TULP3: variants seen among roughly 807,000 people sequenced by gnomAD.
TULP3 encodes the protein TUB like protein 3, also known as tubby-related protein 3.
Under a neutral mutation model 50.7 loss-of-function variants are expected in TULP3, and 38 were observed. The observed-to-expected ratio is 0.75, with a 90% CI of 0.58 to 0.98. TULP3 has a LOEUF of 0.98. Ranked by LOEUF, TULP3 falls within the 50% of genes least tolerant of loss-of-function variation. The pLI is 0.00. For missense variants in TULP3, 550 were observed against 568.0 expected, an observed-to-expected ratio of 0.97 and a Z score of 0.32; for synonymous variants, 183 against 196.6, an observed-to-expected ratio of 0.93 and a Z score of 0.58.
At chr12:2,913,594 C>T (rs138228197) in intron 2 of TULP3, among the ~76,000 whole-genome samples, 32 of 151,176 alleles carry the variant, frequency 2.1e-4, no homozygotes, top group African/African-American at 6.6e-4. Context: ...TTACACTTTC[C>T]GTGGTTTATT....
At chr12:2,922,201 TA>T in intron 3 of TULP3, 60 bp from the exon 4 acceptor site, 1 of 1,567,358 alleles carries the variant, frequency 6.4e-7, no homozygotes, top group Non-Finnish European at 8.6e-7. Flanking sequence ...ATGCCAAATC[TA>T]CCCAACTAGT....
intron 1 of TULP3, among the ~76,000 whole-genome samples, chr12:2,893,330 T>TTTTTG (rs1299230660): frequency 1.3e-5 from 2 of 149,846 alleles, no homozygotes; most frequent in African/African-American, 4.9e-5. Flanking sequence ...TTAATGTGTT[T>TTTTTG]TTTTTTTTTT....
rs2098199293 is a variant in TULP3, at chr12:2,933,364, G to T, written c.697-54G>T. 8.2e-6 allele frequency: 9 copies of T among 1,092,228 alleles called. No individual in the cohort carries two copies. The South Asian group carries it at 1.1e-4, about 14-fold the overall frequency. The allele number at this position is 1,092,228 out of a possible 1,614,324, so 67.7% of individuals were successfully genotyped here. On this transcript the variant is annotated intron_variant, in intron 6 of 10. Coordinates refer to ENST00000448120, the MANE Select transcript of TULP3 (RefSeq NM_003324.5). ...AATATGTAGGACAACCATGACCAGA[G>T]GTGGGGCAGGTTCTCTGGACTTCAT...
intron 3 of TULP3, among the ~76,000 whole-genome samples, chr12:2,922,024 A>T (rs767719692): frequency 9.9e-5 from 15 of 152,182 alleles, no homozygotes; most frequent in Non-Finnish European, 2.1e-4. Context: ...TCGAGGCTAC[A>T]GTGAGCTGTG....
At chr12:2,921,862 C>G (rs1373824582) in intron 3 of TULP3, among the ~76,000 whole-genome samples, 1 of 152,070 alleles carries the variant, frequency 6.6e-6, no homozygotes, top group East Asian at 1.9e-4. Flanking sequence ...AAAGGCAGAT[C>G]ACTTAAGGCC....
intron 1 of TULP3, among the ~76,000 whole-genome samples, chr12:2,898,432 G>C (rs564123871): frequency 1.3e-5 from 2 of 151,980 alleles, no homozygotes; most frequent in African/African-American, 2.4e-5. Flanking sequence ...CCCTAGCAGC[G>C]GGGACTATAG....
intron 2 of TULP3, among the ~76,000 whole-genome samples, chr12:2,912,438 A>G (rs2098186210): frequency 6.6e-6 from 1 of 152,208 alleles, no homozygotes; most frequent in Admixed American, 6.5e-5. Flanking sequence ...CACACCCATC[A>G]GTGACGGTGG....
Position 2,914,224 on chromosome 12 carries a change from A to G in TULP3, c.93+4644A>G, listed in dbSNP as rs187432789. Among the ~76,000 whole-genome samples the G allele has an allele frequency of 8.8e-4, 132 of 149,670 alleles. 1 individual carries two copies. In the East Asian group the frequency reaches 0.02, roughly 22 times the overall value. On this transcript the variant is annotated intron_variant, in intron 2 of 10. Transcript: ENST00000448120. Reference sequence around the variant, plus strand: ...ACTGCAACCTCTGCCTCCCAGGTTCAAGCAGTTCTCCTGCCTCAGCCTCCT... The same window carrying G: ...ACTGCAACCTCTGCCTCCCAGGTTCGAGCAGTTCTCCTGCCTCAGCCTCCT...
At chr12:2,898,098 A>G (rs1026356140) in intron 1 of TULP3, among the ~76,000 whole-genome samples, 1 of 149,670 alleles carries the variant, frequency 6.7e-6, no homozygotes, top group Non-Finnish European at 1.5e-5. Context: ...AAAAAAAAAA[A>G]GATATAATAG....
At chr12:2,912,089 G>T in intron 2 of TULP3, among the ~76,000 whole-genome samples, 1 of 152,168 alleles carries the variant, frequency 6.6e-6, no homozygotes, top group South Asian at 2.1e-4. Flanking sequence ...TTCAAATGGT[G>T]TATAACAGCA....
chr12:2,920,992 TCAGA>T, intron 3 of TULP3, 70 bp downstream of exon 3: 1 of 1,580,760 alleles, frequency 6.3e-7, no homozygotes. Flanking sequence ...ACGAGGATTG[TCAGA>T]CGGACCAAAG....
intron 2 of TULP3, among the ~76,000 whole-genome samples, chr12:2,916,230 G>C (rs543146015): frequency 6.6e-6 from 1 of 150,914 alleles, no homozygotes; most frequent in Non-Finnish European, 1.5e-5. Context: ...TCGAATTCCT[G>C]ACCTCAAGAG....
At chr12:2,907,661 A>T (rs12319407) in intron 1 of TULP3, among the ~76,000 whole-genome samples, 3,289 of 150,584 alleles carry the variant, frequency 0.022, 82 homozygotes, top group African/African-American at 0.056. Context: ...AAAAAAAAAA[A>T]TTTTTTATTC....
chr12:2,935,538 A>G lies in TULP3; in HGVS notation c.924+977A>G, dbSNP rs567696298. Among the ~76,000 whole-genome samples, 4 of 152,328 alleles carry G rather than the reference A, an allele frequency of 2.6e-5. No individual in the cohort carries two copies. In the East Asian group the frequency reaches 5.8e-4, roughly 22 times the overall value. On this transcript the variant is annotated intron_variant, in intron 8 of 10. Transcript: ENST00000448120. ...AGAGAAAGCAAGAAGGAATTGACCC[A>G]TCTCAGCTGGTTTTTTTATTCCAAA... is the stretch of plus-strand genomic sequence containing the variant.
intron 1 of TULP3, among the ~76,000 whole-genome samples, chr12:2,899,648 C>T (rs1398801249): frequency 6.6e-6 from 1 of 152,162 alleles, no homozygotes; most frequent in Non-Finnish European, 1.5e-5. Flanking sequence ...AATCCCAGCA[C>T]TTTGGGAGGC....
chr12:2,940,628 G>A lies in TULP3; in HGVS notation c.*1184G>A. The A allele has an allele frequency of 6.4e-7, 1 of 1,551,748 alleles. No individual in the cohort carries two copies. Among genetic ancestry groups the A allele is most frequent in the Non-Finnish European group, 8.7e-7 (1 of 1,147,004 alleles). On this transcript the variant is annotated 3_prime_UTR_variant, in exon 11 of 11. Transcript: ENST00000448120. Reference sequence around the variant, plus strand: ...GCACAGAACTGTTTGCCAGCGTTGGGTGGGACACCCGTGGCGGCTGCTCCC... The same window carrying A: ...GCACAGAACTGTTTGCCAGCGTTGGATGGGACACCCGTGGCGGCTGCTCCC...
chr12:2,903,146 G>A (rs1312786078), intron 1 of TULP3, among the ~76,000 whole-genome samples: 1 of 151,952 alleles, frequency 6.6e-6, no homozygotes, highest in Non-Finnish European at 1.5e-5. Flanking sequence ...ACAGGCATAA[G>A]CCACTGCACC....
chr12:2,892,224 A>G (rs1477123108), intron 1 of TULP3, among the ~76,000 whole-genome samples: 1 of 152,056 alleles, frequency 6.6e-6, no homozygotes, highest in Non-Finnish European at 1.5e-5. Flanking sequence ...GTCAAGTTCT[A>G]TTGAGGTGAT....
At chr12:2,933,226 C>G (rs528179498) in intron 6 of TULP3, among the ~76,000 whole-genome samples, 192 bp from the exon 7 acceptor site, 2 of 152,138 alleles carry the variant, frequency 1.3e-5, no homozygotes, top group Non-Finnish European at 2.9e-5. Context: ...CAGGCGTGAG[C>G]CACCACACCC....
Sources: allele counts gnomAD v4.1 joint callset (sites outside exome capture counted in the v4.1 genomes callset), GRCh38; gene constraint gnomAD v4.1.1; transcripts MANE v1.5; gene names NCBI Gene and HGNC (gene_info 2026-07-23, HGNC 2026-07-21).